Variants in PCCA observed in about 807,000 individuals in gnomAD.
PCCA encodes propionyl-CoA carboxylase subunit alpha, also known as propionyl-CoA carboxylase alpha chain, mitochondrial.
PCCA carries 74 observed loss-of-function variants against 101.3 expected under a neutral mutation model. The ratio of observed to expected loss-of-function variants is 0.73; its 90% CI spans 0.61 to 0.89. PCCA has a LOEUF of 0.89. PCCA is among the 40% of genes least tolerant of loss of function. The probability of loss-of-function intolerance (pLI) is 0.00; values close to 1 mark genes in which losing one functional copy is unlikely to be tolerated. For missense variants in PCCA, 891 were observed against 907.0 expected (o/e 0.98, Z 0.23); for synonymous variants, 294 against 313.6 (o/e 0.94, Z 0.66).
chr13:100,277,421 G>T (rs1297206001), intron 12 of PCCA, among the ~76,000 whole-genome samples: 2 of 152,062 alleles, frequency 1.3e-5, no homozygotes, highest in East Asian at 3.9e-4. Context: ...GGTTTTGGCT[G>T]ATCCCTTCCT....
At chr13:100,305,221 CTT>C (rs1157748655) in intron 14 of PCCA, among the ~76,000 whole-genome samples, 1 of 152,044 alleles carries the variant, frequency 6.6e-6, no homozygotes. Flanking sequence ...TTATATATAT[CTT>C]GATTTTATCG....
At chr13:100,203,328 G>GT (rs2058653100) in intron 6 of PCCA, among the ~76,000 whole-genome samples, 1 of 151,426 alleles carries the variant, frequency 6.6e-6, no homozygotes, top group African/African-American at 2.4e-5. Context: ...GTATTGGTAT[G>GT]TTTTTCTCCT....
In PCCA at chr13:100,171,714, C is replaced by G. The variant is rs192174753; in HGVS notation, c.468+14374C>G. ...GACCAGCCTGGGCACATAGGAAAACCCCATCTCTACAAATAATTTAAAAAT... is the reference window on the plus strand; with the variant it reads ...GACCAGCCTGGGCACATAGGAAAACGCCATCTCTACAAATAATTTAAAAAT... On this transcript the variant is annotated intron_variant, in intron 6 of 23. Transcript: ENST00000376285. Among the ~76,000 whole-genome samples the G allele has an allele frequency of 3.0e-3, 452 of 152,176 alleles. 3 individuals carry two copies. Among genetic ancestry groups the G allele is most frequent in the South Asian group, 5.0e-3 (24 of 4,814 alleles).
chr13:100,263,170 G>A (rs1285752936), intron 10 of PCCA, among the ~76,000 whole-genome samples: 1 of 152,128 alleles, frequency 6.6e-6, no homozygotes, highest in Non-Finnish European at 1.5e-5. Context: ...GTTCTGCTAG[G>A]AGCTTGTTGT....
rs146754385 is a variant in PCCA, at chr13:100,309,792, A to AAT, written c.1354-28_1354-27dup. 3,941 of 1,176,052 alleles carry AAT rather than the reference A, an allele frequency of 3.4e-3. 36 individuals carry two copies. In the Admixed American group the frequency reaches 0.037, roughly 11 times the overall value. The allele number at this position is 1,176,052 out of a possible 1,614,324, so 72.9% of individuals were successfully genotyped here. ...AAATGAATCATTTAACATAGTTCTA[A>AAT]ATATATATATATATTGGGTTTTTTG... On this transcript the variant is annotated intron_variant, in intron 15 of 23. Coordinates refer to ENST00000376285, the MANE Select transcript of PCCA (RefSeq NM_000282.4).
At chr13:100,240,483 G>C (rs1244574491) in intron 8 of PCCA, among the ~76,000 whole-genome samples, 1 of 151,730 alleles carries the variant, frequency 6.6e-6, no homozygotes, top group African/African-American at 2.4e-5. Flanking sequence ...CTTAGCCTAA[G>C]TATCATGTCT....
At chr13:100,436,131 G>A (rs756919679) in intron 20 of PCCA, among the ~76,000 whole-genome samples, 7 of 152,022 alleles carry the variant, frequency 4.6e-5, no homozygotes, top group Non-Finnish European at 1.0e-4. Context: ...TCAAGGGCCC[G>A]GATACCGAAT....
intron 19 of PCCA, among the ~76,000 whole-genome samples, chr13:100,384,481 TTCA>T (rs1328237538): frequency 1.3e-5 from 2 of 152,240 alleles, no homozygotes; most frequent in African/African-American, 2.4e-5. Context: ...GTAATGTATC[TTCA>T]TTAAGAATTT....
At chr13:100,458,421 GCGCACACACACACACACATACACA>G (rs1175425538) in intron 21 of PCCA, among the ~76,000 whole-genome samples, 10 of 98,858 alleles carry the variant, frequency 1.0e-4, no homozygotes, top group African/African-American at 5.6e-4. Context: ...CCATCTCTGC[GCGCACACACACACACACATACACA>G]CACACACACA....
chr13:100,466,722 G>T (rs1435929604), intron 21 of PCCA, among the ~76,000 whole-genome samples: 3 of 152,166 alleles, frequency 2.0e-5, no homozygotes, highest in Non-Finnish European at 4.4e-5. Flanking sequence ...GCTGGGTGTG[G>T]TGGTTTGTGC....
chr13:100,135,792 G>A (rs1358872845), intron 4 of PCCA, among the ~76,000 whole-genome samples: 1 of 152,000 alleles, frequency 6.6e-6, no homozygotes. Context: ...ATTAGCTGTG[G>A]GTTTTTTGTG....
At chr13:100,211,285 T>C (rs1052214729) in intron 7 of PCCA, among the ~76,000 whole-genome samples, 4 of 152,206 alleles carry the variant, frequency 2.6e-5, no homozygotes, top group Non-Finnish European at 5.9e-5. Context: ...TCTCTTCCCC[T>C]TTCAGTGCCA....
At chr13:100,338,664 C>A (rs973960180) in intron 17 of PCCA, among the ~76,000 whole-genome samples, 3 of 149,272 alleles carry the variant, frequency 2.0e-5, no homozygotes, top group African/African-American at 7.4e-5. Flanking sequence ...GAGGAACTTT[C>A]CAATGCCCAT....
chr13:100,162,830 G>A (rs542282357), intron 6 of PCCA, among the ~76,000 whole-genome samples: 3 of 152,260 alleles, frequency 2.0e-5, no homozygotes, highest in Admixed American at 1.3e-4. Context: ...AGAAAGTTCT[G>A]TGACTCCTTT....
chr13:100,140,703 C>T (rs1292306893), intron 4 of PCCA, among the ~76,000 whole-genome samples: 2 of 152,100 alleles, frequency 1.3e-5, no homozygotes, highest in African/African-American at 4.8e-5. Flanking sequence ...TTGATTCGTG[C>T]ATTCTTTTGA....
chr13:100,318,555 C>T (rs1595303530), intron 16 of PCCA, among the ~76,000 whole-genome samples: 1 of 144,978 alleles, frequency 6.9e-6, no homozygotes, highest in East Asian at 2.1e-4. Context: ...TTGTTCAGTT[C>T]CCACCTATGA....
chr13:100,520,270 T>C (rs2087132265), intron 22 of PCCA, among the ~76,000 whole-genome samples: 2 of 152,230 alleles, frequency 1.3e-5, no homozygotes, highest in South Asian at 4.1e-4. Flanking sequence ...ATCTCATTCC[T>C]GTCCTGTCTT....
intron 21 of PCCA, among the ~76,000 whole-genome samples, chr13:100,460,396 T>C (rs2082090658): frequency 1.3e-5 from 2 of 152,216 alleles, no homozygotes; most frequent in Non-Finnish European, 2.9e-5. Flanking sequence ...TGACTTTTTT[T>C]CCCTTATAAA....
intron 13 of PCCA, 42 bp downstream of exon 13, chr13:100,301,645 C>T: frequency 5.0e-6 from 8 of 1,610,890 alleles, no homozygotes; most frequent in Non-Finnish European, 6.8e-6. Flanking sequence ...TGGTTATGTC[C>T]AGAGTCATGA....
Sources: allele counts gnomAD v4.1 joint callset (sites outside exome capture counted in the v4.1 genomes callset), GRCh38; gene constraint gnomAD v4.1.1; transcripts MANE v1.5; gene names NCBI Gene and HGNC (gene_info 2026-07-23, HGNC 2026-07-21).